The following SLC22A15 variants were observed in gnomAD, a reference collection of about 807,000 sequenced individuals.
The protein encoded by SLC22A15 is flipt 1.
A neutral mutation model predicts 62.7 loss-of-function variants in SLC22A15; 45 were observed. That is an observed-to-expected ratio of 0.72 (90% CI 0.56 to 0.92). The LOEUF (loss-of-function observed/expected upper bound fraction) is 0.92. Ranked by LOEUF, SLC22A15 falls within the 40% of genes least tolerant of loss-of-function variation. The pLI, the probability that SLC22A15 is intolerant of heterozygous loss-of-function variation, is 0.00. For missense variants in SLC22A15, 622 were observed against 665.6 expected, an observed-to-expected ratio of 0.93 and a Z score of 0.72; for synonymous variants, 264 against 267.0, an observed-to-expected ratio of 0.99 and a Z score of 0.11.
chr1:116,009,300 G>A (rs1026394139), intron 2 of SLC22A15, among the ~76,000 whole-genome samples: 7 of 151,702 alleles, frequency 4.6e-5, no homozygotes, highest in Non-Finnish European at 8.8e-5. Flanking sequence ...GTGTGCTCCC[G>A]TCCCACCGTT....
Position 116,056,675 on chromosome 1 carries a change from C to G in SLC22A15, c.1172-6087C>G, listed in dbSNP as rs1029712370. ...AAACTATACTACAAGGCTACAGTAACCAAAACAGCATGGTACTGGTACCAA... is the reference window on the plus strand; with the variant it reads ...AAACTATACTACAAGGCTACAGTAAGCAAAACAGCATGGTACTGGTACCAA... On this transcript the variant is annotated intron_variant, in intron 8 of 11. Coordinates refer to ENST00000369503, the MANE Select transcript of SLC22A15 (RefSeq NM_018420.3). Among the ~76,000 whole-genome samples the G allele has an allele frequency of 4.6e-5, 7 of 151,994 alleles. No individual in the cohort carries two copies. In the East Asian group the frequency reaches 5.8e-4, roughly 13 times the overall value.
chr1:116,054,603 A>AT (rs956214275), intron 8 of SLC22A15, among the ~76,000 whole-genome samples: 1 of 152,138 alleles, frequency 6.6e-6, no homozygotes, highest in Non-Finnish European at 1.5e-5. Context: ...CAGAATATAC[A>AT]TTTTTTTGAG....
At chr1:116,057,183 C>T (rs1315456727) in intron 8 of SLC22A15, among the ~76,000 whole-genome samples, 1 of 151,358 alleles carries the variant, frequency 6.6e-6, no homozygotes, top group Non-Finnish European at 1.5e-5. Context: ...TATCCAGAAT[C>T]TACAATGAAC....
chr1:116,020,448 C>T (rs1167701620), intron 3 of SLC22A15, among the ~76,000 whole-genome samples: 4 of 150,562 alleles, frequency 2.7e-5, no homozygotes, highest in African/African-American at 4.9e-5. Flanking sequence ...CCCAGCTACC[C>T]GGGAGGCTGA....
chr1:115,992,627 T>TC (rs201993185), intron 2 of SLC22A15, among the ~76,000 whole-genome samples: 2 of 149,746 alleles, frequency 1.3e-5, no homozygotes, highest in African/African-American at 2.4e-5. Context: ...TTCTTTTCTT[T>TC]TTTTTTTTTT....
chr1:116,015,439 CT>C (rs1376905788), intron 2 of SLC22A15: 1 of 152,200 alleles, frequency 6.6e-6, no homozygotes, highest in Non-Finnish European at 1.5e-5. Context: ...TCAAACATCC[CT>C]TGGGCTACTT....
Position 116,035,593 on chromosome 1 carries a change from C to T in SLC22A15, c.1085+266C>T, listed in dbSNP as rs144694120. On this transcript the variant is annotated intron_variant, in intron 7 of 11. Coordinates refer to ENST00000369503, the MANE Select transcript of SLC22A15 (RefSeq NM_018420.3). ...AAATCCAAGATAGTATTGAATATTA[C>T]CATCAGAGGGTTTATGAGTAGTCTG... 1.2e-4 allele frequency among the ~76,000 whole-genome samples: 19 copies of T among 152,198 alleles called. No individual in the cohort carries two copies. In the East Asian group the frequency reaches 3.7e-3, roughly 29 times the overall value.
chr1:115,992,202 C>A lies in SLC22A15; in HGVS notation c.259C>A (p.His87Asn). ...AGCCAACGGCAGTGAGATCCATAAG[C>A]ACGTGCATTTCAGCAGCAGCTTCAC... The part of the protein sequence containing the change: ...LTANGSEIHK[H>N]VHFSSSFTSI... Residue 87 changes from histidine (H) to asparagine (N), a missense_variant, in exon 2 of 12, where the codon CAC becomes AAC. His to Asn is a moderately conservative substitution (Grantham distance 68). Transcript: ENST00000369503. 6.2e-7 allele frequency: 1 copy of A among 1,606,806 alleles called. No homozygotes were observed. Among genetic ancestry groups the A allele is most frequent in the Non-Finnish European group, 8.5e-7 (1 of 1,176,398 alleles).
chr1:116,015,100 A>AC (rs1202099775), intron 2 of SLC22A15: 14 of 152,212 alleles, frequency 9.2e-5, no homozygotes, highest in Admixed American at 8.5e-4. Context: ...GCAAAACAAA[A>AC]CATTTAAACC....
At chr1:116,064,584 G>A in intron 10 of SLC22A15, 76 bp downstream of exon 10, 1 of 951,356 alleles carries the variant, frequency 1.1e-6, no homozygotes, top group Non-Finnish European at 1.7e-6. Flanking sequence ...GTAGAAAGAG[G>A]TGATGAACAG....
intron 2 of SLC22A15, among the ~76,000 whole-genome samples, chr1:116,005,816 C>A (rs1394535871): frequency 1.3e-5 from 2 of 152,028 alleles, no homozygotes; most frequent in East Asian, 1.9e-4. Context: ...GATTATCTCA[C>A]AAATTCCTGC....
intron 4 of SLC22A15, 112 bp from the exon 5 acceptor site, chr1:116,026,781 C>A: frequency 7.8e-7 from 1 of 1,285,918 alleles, no homozygotes; most frequent in South Asian, 1.5e-5. Context: ...CTTATAGTTG[C>A]CAGCATAGGG....
chr1:115,983,100 T>A (rs75153840), intron 1 of SLC22A15, among the ~76,000 whole-genome samples: 1 of 152,242 alleles, frequency 6.6e-6, no homozygotes, highest in East Asian at 1.9e-4. Context: ...GAAAGTCTCA[T>A]TTGGTGTTAG....
rs765886446 is a variant in SLC22A15 at position 116,064,526 on chromosome 1, A to G, written c.1365+18A>G. ...CCTCACTGGTTGGTTTGTACCTTCT[A>G]GTTTTGTTTTTCTTGATTCTCTGCT... On this transcript the variant is annotated intron_variant, in intron 10 of 11. Transcript: ENST00000369503. The G allele has an allele frequency of 8.9e-6, 14 of 1,574,470 alleles. No homozygotes were observed. The Admixed American group carries it at 2.3e-4, about 26-fold the overall frequency.
At position 116,031,427 on chromosome 1, in the gene SLC22A15, G is replaced by C; in HGVS notation, c.790G>C (p.Ala264Pro). Residue 264 changes from alanine (A) to proline (P), a missense_variant, in exon 6 of 12, where the codon GCG becomes CCG. Ala to Pro is a conservative substitution (Grantham distance 27). Transcript: ENST00000369503. ...SQGRLSEAEE[A>P]LYLIAKRNRK... is the part of the protein sequence containing the mutation. ...GGGTCGACTGAGTGAGGCTGAAGAG[G>C]CGCTGTACCTCATTGCCAAGAGGAA... 6.2e-7 allele frequency: 1 copy of C among 1,613,892 alleles called. No homozygotes were observed. Among genetic ancestry groups the C allele is most frequent in the South Asian group, 1.1e-5 (1 of 91,082 alleles).
rs190603173 is a variant in SLC22A15, at chr1:116,024,423, A to C, written c.599-2470A>C. On this transcript the variant is annotated intron_variant, in intron 4 of 11. Coordinates refer to ENST00000369503, the MANE Select transcript of SLC22A15 (RefSeq NM_018420.3). ...ACTGAGCAGGAATAGCGAAGTTGAAATTAATTAAAAATAAGCAGAGAATAA... is the reference window on the plus strand; with the variant it reads ...ACTGAGCAGGAATAGCGAAGTTGAACTTAATTAAAAATAAGCAGAGAATAA... 1.1e-4 allele frequency among the ~76,000 whole-genome samples: 16 copies of C among 152,360 alleles called. No individual in the cohort carries two copies. The East Asian group carries it at 3.1e-3, about 29-fold the overall frequency.
intron 5 of SLC22A15, 82 bp downstream of exon 5, chr1:116,027,104 A>G: frequency 7.3e-7 from 1 of 1,373,314 alleles, no homozygotes; most frequent in South Asian, 1.2e-5. Flanking sequence ...GAGCAGCATT[A>G]TTCCCTTTCA....
rs780477811 is a variant in SLC22A15 at position 116,062,823 on chromosome 1, C to G, written c.1233C>G (p.Ile411Met). 3.1e-6 allele frequency: 5 copies of G among 1,613,808 alleles called. No individual in the cohort carries two copies. The highest frequency in any genetic ancestry group is 4.2e-6 in the Non-Finnish European group (5 of 1,179,788). Reference sequence around the variant, plus strand: ...TGTCCTTGCTGGGGAAGCTGACCATCAGTGCTGCCTTTAACATTGTTTATA... The same window carrying G: ...TGTCCTTGCTGGGGAAGCTGACCATGAGTGCTGCCTTTAACATTGTTTATA... Reference protein sequence around the residue: ...HSLSLLGKLTISAAFNIVYIY... With the variant: ...HSLSLLGKLTMSAAFNIVYIY... Residue 411 changes from isoleucine (I) to methionine (M), a missense_variant, in exon 9 of 12, where the codon ATC becomes ATG. Ile to Met is a conservative substitution (Grantham distance 10). Transcript: ENST00000369503.
intron 6 of SLC22A15, chr1:116,032,786 G>A (rs1657470681): frequency 3.9e-6 from 1 of 254,476 alleles, no homozygotes; most frequent in Admixed American, 6.5e-5. Context: ...CCATTCAAAA[G>A]CAAATACTTA....
Sources: allele counts gnomAD v4.1 joint callset (sites outside exome capture counted in the v4.1 genomes callset), GRCh38; gene constraint gnomAD v4.1.1; transcripts MANE v1.5; gene names NCBI Gene and HGNC (gene_info 2026-07-23, HGNC 2026-07-21).